The following PRUNE2 variants were observed in gnomAD, a reference collection of about 807,000 sequenced individuals.
PRUNE2 encodes protein prune homolog 2.
PRUNE2 carries 164 observed loss-of-function variants against 252.0 expected under a neutral mutation model. That is an observed-to-expected ratio of 0.65 (90% confidence interval 0.57 to 0.74). The LOEUF (loss-of-function observed/expected upper bound fraction) is 0.74, where lower values mean the gene tolerates loss of function less well. Among genes scored for constraint, PRUNE2 ranks in the 30% least tolerant of loss-of-function variants. PRUNE2 has a pLI of 0.00. For synonymous variants in PRUNE2, 1,292 were observed against 1,350.2 expected (o/e 0.96, Z 0.94); for missense variants, 3,495 against 3,711.0 (o/e 0.94, Z 1.51).
rs781724534 is a variant in PRUNE2 at position 76,710,989 on chromosome 9, C to T, written c.1285G>A (p.Gly429Arg). The T allele has an allele frequency of 1.9e-5, 30 of 1,611,686 alleles. No homozygotes were observed. The highest frequency in any genetic ancestry group is 2.2e-5 in the South Asian group (2 of 90,720). ...CGGCTGCTCCTAATGGTAGCCAGTC[C>T]GCTGTCTGGGCTAACAAGGTCTACA... Reference protein sequence around the residue: ...ANVDLVSPDSGLATIRSSRSS... With the variant: ...ANVDLVSPDSRLATIRSSRSS... Residue 429 changes from glycine (G) to arginine (R), a missense_variant, in exon 8 of 19, where the codon GGA (glycine) becomes AGA (arginine). Coordinates refer to ENST00000376718, the MANE Select transcript of PRUNE2 (RefSeq NM_015225.3).
chr9:76,823,521 A>G (rs2058157162), intron 6 of PRUNE2, 111 bp downstream of exon 6: 6 of 688,512 alleles, frequency 8.7e-6, no homozygotes, highest in Non-Finnish European at 1.6e-5. Flanking sequence ...ATGTATCACA[A>G]AGAAGCAAAG....
chr9:76,799,716 C>T (rs898869334), intron 6 of PRUNE2, among the ~76,000 whole-genome samples: 6 of 152,138 alleles, frequency 3.9e-5, no homozygotes, highest in East Asian at 1.9e-4. Context: ...AAAAGAACTG[C>T]GTGATCACTG....
chr9:76,774,760 A>T (rs1039372126), intron 6 of PRUNE2, among the ~76,000 whole-genome samples: 2 of 152,130 alleles, frequency 1.3e-5, no homozygotes, highest in Non-Finnish European at 2.9e-5. Flanking sequence ...GGCCCGACCC[A>T]ATTCTTTAAA....
Position 76,708,903 on chromosome 9 carries a change from T to A in PRUNE2, c.3371A>T (p.Gln1124Leu). The change falls in exon 8 of 19, where the codon CAG becomes CTG. Residue 1124 changes from glutamine (Q) to leucine (L), a missense_variant. Transcript: ENST00000376718. ...CATATCTGAGATCGTTGCAGTGGAC[T>A]GAGTATCCTCCAAAATCACTCTGTT... The part of the protein sequence containing the change: ...LWNRVILEDT[Q>L]STATISDMDN... The A allele has an allele frequency of 6.2e-7, 1 of 1,613,984 alleles. No individual in the cohort carries two copies. Among genetic ancestry groups the A allele is most frequent in the Non-Finnish European group, 8.5e-7 (1 of 1,179,886 alleles).
chr9:76,855,863 G>A (rs2060225686), intron 1 of PRUNE2, among the ~76,000 whole-genome samples: 1 of 151,976 alleles, frequency 6.6e-6, no homozygotes, highest in South Asian at 2.1e-4. Context: ...TTTATAGTTG[G>A]CTCACTTGGC....
chr9:76,696,919 C>T (rs139848591), intron 9 of PRUNE2, among the ~76,000 whole-genome samples: 27 of 152,334 alleles, frequency 1.8e-4, no homozygotes, highest in Non-Finnish European at 2.9e-4. Flanking sequence ...GAATAACAGC[C>T]GTACTGCTCC....
chr9:76,678,990 G>A (rs929768368), intron 9 of PRUNE2, among the ~76,000 whole-genome samples: 1 of 152,214 alleles, frequency 6.6e-6, no homozygotes, highest in Non-Finnish European at 1.5e-5. Flanking sequence ...CTGCTCTGTG[G>A]TATTTTTATT....
At chr9:76,645,429 T>C (rs544018900) in intron 11 of PRUNE2, among the ~76,000 whole-genome samples, 41 of 152,312 alleles carry the variant, frequency 2.7e-4, no homozygotes, top group Admixed American at 7.8e-4. Flanking sequence ...CTGAGCCCCC[T>C]ATTGGGAGCA....
chr9:76,709,809 C>T lies in PRUNE2; in HGVS notation c.2465G>A (p.Ser822Asn). Residue 822 changes from serine to asparagine, a missense_variant, in exon 8 of 19, where the codon AGC becomes AAC. Ser to Asn is a conservative substitution (Grantham distance 46). Transcript: ENST00000376718. ...LKNTWNLHPT[S>N]SKTPSVRDPN... ...GTCCCTAACAGAAGGTGTCTTGCTG[C>T]TTGTTGGGTGCAAATTCCAGGTATT... 6.2e-7 allele frequency: 1 copy of T among 1,613,918 alleles called. No individual in the cohort carries two copies. Among genetic ancestry groups the T allele is most frequent in the Non-Finnish European group, 8.5e-7 (1 of 1,179,840 alleles).
chr9:76,708,370 T>C lies in PRUNE2; in HGVS notation c.3904A>G (p.Thr1302Ala). The C allele has an allele frequency of 1.2e-6, 2 of 1,613,860 alleles. No individual in the cohort carries two copies. Among genetic ancestry groups the C allele is most frequent in the Non-Finnish European group, 1.7e-6 (2 of 1,179,878 alleles). Residue 1302 changes from threonine (T) to alanine (A), a missense_variant, in exon 8 of 19, where the codon ACT becomes GCT. Transcript: ENST00000376718. The part of the protein sequence containing the change: ...TLQSDAASLA[T>A]RLENPGYFPH... ...AAATACCCTGGATTCTCAAGCCTAG[T>C]CGCCAAGGATGCTGCATCACTTTGC...
At chr9:76,673,052 T>C (rs2041828963) in intron 9 of PRUNE2, among the ~76,000 whole-genome samples, 1 of 150,762 alleles carries the variant, frequency 6.6e-6, no homozygotes, top group Admixed American at 6.6e-5. Context: ...ATAACTAAAA[T>C]CAGAGCAGAA....
At chr9:76,904,498 C>T (rs2063363563) in intron 1 of PRUNE2, among the ~76,000 whole-genome samples, 1 of 152,188 alleles carries the variant, frequency 6.6e-6, no homozygotes, top group Non-Finnish European at 1.5e-5. Context: ...CATACACACA[C>T]ACGCACAGTT....
chr9:76,649,774 A>T (rs1033459380), intron 11 of PRUNE2, among the ~76,000 whole-genome samples: 4 of 152,308 alleles, frequency 2.6e-5, no homozygotes, highest in Admixed American at 2.6e-4. Flanking sequence ...AATTGCTTGA[A>T]AGAGAAGACC....
intron 18 of PRUNE2, among the ~76,000 whole-genome samples, chr9:76,615,998 G>A (rs1416701778): frequency 1.3e-5 from 2 of 152,012 alleles, no homozygotes; most frequent in African/African-American, 4.8e-5. Flanking sequence ...TCGATCTCTT[G>A]ACCTCGTGAT....
intron 6 of PRUNE2, among the ~76,000 whole-genome samples, chr9:76,814,899 C>T (rs2057586267): frequency 6.6e-6 from 1 of 152,220 alleles, no homozygotes; most frequent in Non-Finnish European, 1.5e-5. Context: ...CGTATTTGGG[C>T]TTCCTAAAAT....
At chr9:76,666,713 C>G (rs1057192799) in intron 9 of PRUNE2, among the ~76,000 whole-genome samples, 70 of 152,240 alleles carry the variant, frequency 4.6e-4, no homozygotes, top group African/African-American at 1.6e-3. Flanking sequence ...GTCTCCGCGT[C>G]TTGGTGGTAG....
intron 1 of PRUNE2, among the ~76,000 whole-genome samples, chr9:76,896,454 G>C (rs979645977): frequency 6.6e-6 from 1 of 152,168 alleles, no homozygotes; most frequent in Non-Finnish European, 1.5e-5. Flanking sequence ...GTTGGCTGAT[G>C]TGCCAGGGAA....
At chr9:76,861,084 A>G (rs1282624060) in intron 1 of PRUNE2, among the ~76,000 whole-genome samples, 1 of 152,192 alleles carries the variant, frequency 6.6e-6, no homozygotes, top group African/African-American at 2.4e-5. Flanking sequence ...ACAGCCTCCA[A>G]GGAAGCCAGG....
intron 6 of PRUNE2, among the ~76,000 whole-genome samples, chr9:76,806,482 G>A (rs912834795): frequency 6.6e-6 from 1 of 151,784 alleles, no homozygotes; most frequent in African/African-American, 2.4e-5. Flanking sequence ...CACTTATGAG[G>A]GGCTTACCAT....
Sources: allele counts gnomAD v4.1 joint callset (sites outside exome capture counted in the v4.1 genomes callset), GRCh38; gene constraint gnomAD v4.1.1; transcripts MANE v1.5; gene names NCBI Gene and HGNC (gene_info 2026-07-23, HGNC 2026-07-21).